EPB41L2: variants seen among roughly 807,000 people sequenced by gnomAD.
EPB41L2 encodes the protein erythrocyte membrane protein band 4.1 like 2.
EPB41L2 carries 43 observed loss-of-function variants against 113.0 expected under a neutral mutation model. The observed-to-expected ratio is 0.38, with a 90% CI of 0.30 to 0.49. EPB41L2 has a LOEUF of 0.49. EPB41L2 is among the 20% of genes least tolerant of loss of function. The probability of loss-of-function intolerance (pLI) is 0.95; values close to 1 mark genes in which losing one functional copy is unlikely to be tolerated. For missense variants in EPB41L2, 1,147 were observed against 1,223.4 expected, an observed-to-expected ratio of 0.94 and a Z score of 0.93; for synonymous variants, 442 against 436.7, an observed-to-expected ratio of 1.01 and a Z score of -0.15.
intron 1 of EPB41L2, among the ~76,000 whole-genome samples, chr6:130,992,397 A>ACC (rs1185783228): frequency 3.3e-5 from 5 of 151,998 alleles, no homozygotes; most frequent in African/African-American, 1.2e-4. Context: ...TTACATCCAT[A>ACC]CCCCCCATAC....
intron 1 of EPB41L2, among the ~76,000 whole-genome samples, chr6:130,989,176 T>G (rs73623428): frequency 6.6e-6 from 1 of 152,132 alleles, no homozygotes; most frequent in South Asian, 2.1e-4. Flanking sequence ...CAAATAACTA[T>G]TGATAGCCCA....
chr6:131,037,585 ATTT>A (rs10685424), intron 1 of EPB41L2, among the ~76,000 whole-genome samples: 1 of 122,682 alleles, frequency 8.2e-6, no homozygotes, highest in Non-Finnish European at 1.6e-5. Context: ...AAAACCTAAA[ATTT>A]TTTTTTTTTT....
intron 1 of EPB41L2, among the ~76,000 whole-genome samples, chr6:131,003,775 T>A (rs965889316): frequency 1.3e-5 from 2 of 152,228 alleles, no homozygotes; most frequent in African/African-American, 4.8e-5. Flanking sequence ...TACTTAAACA[T>A]TTTCTTTTTC....
intron 1 of EPB41L2, among the ~76,000 whole-genome samples, chr6:130,988,361 T>A (rs1434358391): frequency 6.6e-6 from 1 of 152,134 alleles, no homozygotes; most frequent in African/African-American, 2.4e-5. Flanking sequence ...TAGAAAAGAT[T>A]ACAGAAATCA....
Position 131,009,963 on chromosome 6 carries a change from T to G in EPB41L2, c.-15+53192A>C, listed in dbSNP as rs1265661300. ...CAAACATCTGTGCAATCAGGCATGT[T>G]CAATTTGCCAGGGACAAGTCCAGTG... On this transcript the variant is annotated intron_variant, in intron 1 of 19. Coordinates refer to ENST00000337057, the MANE Select transcript of EPB41L2 (RefSeq NM_001431.4). 2.0e-5 allele frequency among the ~76,000 whole-genome samples: 3 copies of G among 152,234 alleles called. No homozygotes were observed. The East Asian group carries it at 5.8e-4, about 29-fold the overall frequency.
chr6:130,929,363 T>C (rs1448464473), intron 3 of EPB41L2, among the ~76,000 whole-genome samples: 2 of 152,316 alleles, frequency 1.3e-5, no homozygotes, highest in African/African-American at 2.4e-5. Context: ...TAGAGCTTAC[T>C]TTTTACTTCG....
At chr6:130,861,909 C>T (rs1247948071) in intron 18 of EPB41L2, among the ~76,000 whole-genome samples, 1 of 149,836 alleles carries the variant, frequency 6.7e-6, no homozygotes, top group Non-Finnish European at 1.5e-5. Flanking sequence ...ATCTCACAAA[C>T]ATAAAAAGGC....
chr6:131,023,701 A>G (rs1160127397), intron 1 of EPB41L2, among the ~76,000 whole-genome samples: 1 of 148,772 alleles, frequency 6.7e-6, no homozygotes, highest in Non-Finnish European at 1.5e-5. Context: ...AGAAGAAGAA[A>G]AAAAAATGTG....
intron 1 of EPB41L2, among the ~76,000 whole-genome samples, chr6:130,996,231 G>C (rs1056043930): frequency 2.0e-5 from 3 of 152,164 alleles, no homozygotes; most frequent in African/African-American, 7.2e-5. Context: ...AAAAGACACA[G>C]ATGGAATGGC....
Position 130,940,458 on chromosome 6 carries a change from A to G in EPB41L2, c.706-13749T>C, listed in dbSNP as rs1317825792. Among the ~76,000 whole-genome samples, 6 of 151,368 alleles carry G rather than the reference A, an allele frequency of 4.0e-5. No individual in the cohort carries two copies. In the East Asian group the frequency reaches 1.2e-3, roughly 29 times the overall value. ...TAGGGTATAGCTGAGTTTTTCCTAAATATATCTTTTTTTTTTTTCTTTTGG... is the reference window on the plus strand; with the variant it reads ...TAGGGTATAGCTGAGTTTTTCCTAAGTATATCTTTTTTTTTTTTCTTTTGG... On this transcript the variant is annotated intron_variant, in intron 3 of 19. Transcript: ENST00000337057.
chr6:130,915,994 T>G (rs1040779225), intron 4 of EPB41L2, among the ~76,000 whole-genome samples: 1 of 152,240 alleles, frequency 6.6e-6, no homozygotes. Context: ...ACATACCTAT[T>G]ACTTTGTCTC....
chr6:131,003,138 A>T (rs1266013091), intron 1 of EPB41L2, among the ~76,000 whole-genome samples: 2 of 150,284 alleles, frequency 1.3e-5, no homozygotes, highest in Admixed American at 6.7e-5. Flanking sequence ...TTCTACATTT[A>T]AAAAAAAATC....
chr6:131,007,595 C>T (rs1785897582), intron 1 of EPB41L2, among the ~76,000 whole-genome samples: 1 of 152,090 alleles, frequency 6.6e-6, no homozygotes. Context: ...CTGGAACCTC[C>T]TAGAGACTTG....
intron 19 of EPB41L2, among the ~76,000 whole-genome samples, chr6:130,853,341 T>C (rs894047355): frequency 6.6e-6 from 1 of 152,164 alleles, no homozygotes; most frequent in Non-Finnish European, 1.5e-5. Flanking sequence ...CTGTGGCTCA[T>C]TCTTTCTGAG....
At chr6:130,878,692 T>C (rs531129832) in intron 13 of EPB41L2, 1 of 154,500 alleles carries the variant, frequency 6.5e-6, no homozygotes, top group African/African-American at 2.4e-5. Flanking sequence ...ATATAGGAAA[T>C]CAAGTACAAA....
At chr6:130,986,275 T>C (rs1386532105) in intron 1 of EPB41L2, among the ~76,000 whole-genome samples, 1 of 152,054 alleles carries the variant, frequency 6.6e-6, no homozygotes, top group African/African-American at 2.4e-5. Context: ...CTTTTCACAA[T>C]AAAAATACTC....
At position 130,852,263 on chromosome 6, in the gene EPB41L2, A is replaced by G. The variant is rs183354338; in HGVS notation, c.*5+5868T>C. Among the ~76,000 whole-genome samples, 28 of 152,284 alleles carry G rather than the reference A, an allele frequency of 1.8e-4. 1 individual carries two copies. The Middle Eastern group carries it at 0.01, about 55-fold the overall frequency. Reference sequence around the variant, plus strand: ...CCAAGGTCAAACAACTAAGAAGTAGATATGAACCCAGCAAATCTGCTATCC... The same window carrying G: ...CCAAGGTCAAACAACTAAGAAGTAGGTATGAACCCAGCAAATCTGCTATCC... On this transcript the variant is annotated intron_variant, in intron 19 of 19. Coordinates refer to ENST00000337057, the MANE Select transcript of EPB41L2 (RefSeq NM_001431.4).
chr6:130,882,447 C>G (rs1789618308), intron 12 of EPB41L2: 1 of 152,600 alleles, frequency 6.6e-6, no homozygotes, highest in Admixed American at 6.6e-5. Flanking sequence ...CATTTACACT[C>G]TATATTAGGA....
At chr6:130,940,091 G>C (rs1445325682) in intron 3 of EPB41L2, among the ~76,000 whole-genome samples, 1 of 152,212 alleles carries the variant, frequency 6.6e-6, no homozygotes, top group Non-Finnish European at 1.5e-5. Context: ...CAGTGCATTT[G>C]TATTTTATGC....
Sources: gnomAD v4.1 joint callset for allele counts (sites outside exome capture counted in the v4.1 genomes callset) on GRCh38, gnomAD v4.1.1 for gene constraint, MANE v1.5 for transcripts, NCBI Gene and HGNC (gene_info 2026-07-23, HGNC 2026-07-21) for gene names.